The following BIN3 variants were observed in gnomAD, a reference collection of about 807,000 sequenced individuals.
BIN3 encodes bridging integrator 3.
In BIN3, 41 loss-of-function variants were observed where a neutral mutation model predicts 38.2. The observed-to-expected ratio is 1.07, with a 90% CI of 0.84 to 1.39. BIN3 has a LOEUF of 1.39. BIN3 is among the 40% of genes most tolerant of loss of function. The pLI, the probability that BIN3 is intolerant of heterozygous loss-of-function variation, is 0.00. For synonymous variants in BIN3, 145 were observed against 122.6 expected (o/e 1.18, Z -1.21); for missense variants, 361 against 324.3 (o/e 1.11, Z -0.87).
At chr8:22,640,464 C>CAG (rs1215675283) in intron 2 of BIN3, among the ~76,000 whole-genome samples, 1 of 151,974 alleles carries the variant, frequency 6.6e-6, no homozygotes, top group Non-Finnish European at 1.5e-5. Flanking sequence ...GCTGGGATTA[C>CAG]AGGCATGAGC....
chr8:22,665,413 C>T (rs745878324), intron 1 of BIN3, among the ~76,000 whole-genome samples: 1 of 152,158 alleles, frequency 6.6e-6, no homozygotes, highest in Non-Finnish European at 1.5e-5. Flanking sequence ...AGACAGTCCC[C>T]ATACTCAAGA....
intron 1 of BIN3, among the ~76,000 whole-genome samples, chr8:22,660,060 C>T (rs909336914): frequency 4.6e-5 from 7 of 152,286 alleles, no homozygotes; most frequent in Admixed American, 3.9e-4. Flanking sequence ...TGCACCACCA[C>T]CAGGCCCAAG....
chr8:22,643,332 C>G (rs569781141), intron 2 of BIN3, among the ~76,000 whole-genome samples: 6 of 138,248 alleles, frequency 4.3e-5, no homozygotes, highest in Admixed American at 2.9e-4. Context: ...GCCCCACCCC[C>G]CAACTTTTTT....
chr8:22,645,174 A>G (rs1203566866), intron 1 of BIN3, among the ~76,000 whole-genome samples: 1 of 152,052 alleles, frequency 6.6e-6, no homozygotes, highest in Non-Finnish European at 1.5e-5. Context: ...CCAAAAAAAA[A>G]AAAAAAAATC....
At chr8:22,667,910 A>C (rs1803477229) in intron 1 of BIN3, among the ~76,000 whole-genome samples, 1 of 152,216 alleles carries the variant, frequency 6.6e-6, no homozygotes, top group Non-Finnish European at 1.5e-5. Flanking sequence ...CTGATGGCCA[A>C]AATTAAGCTT....
chr8:22,651,107 T>C (rs1473889919), intron 1 of BIN3, among the ~76,000 whole-genome samples: 1 of 152,326 alleles, frequency 6.6e-6, no homozygotes, highest in African/African-American at 2.4e-5. Flanking sequence ...CAACAGAAAC[T>C]ATTTGTTTCC....
At chr8:22,634,665 G>C (rs1802312730) in intron 4 of BIN3, 2 of 401,128 alleles carry the variant, frequency 5.0e-6, no homozygotes, top group Non-Finnish European at 5.0e-6. Context: ...GTGGCCCTTT[G>C]AATGGTGTCA....
At chr8:22,651,355 A>C (rs1444897014) in intron 1 of BIN3, among the ~76,000 whole-genome samples, 1 of 152,166 alleles carries the variant, frequency 6.6e-6, no homozygotes, top group African/African-American at 2.4e-5. Context: ...CCTCGCTCCA[A>C]CCTGGACTGG....
At chr8:22,652,848 C>T (rs957728554) in intron 1 of BIN3, among the ~76,000 whole-genome samples, 3 of 152,132 alleles carry the variant, frequency 2.0e-5, no homozygotes, top group Admixed American at 6.5e-5. Context: ...CATTTTTGGG[C>T]TGCTTAGTGT....
chr8:22,646,483 C>A (rs1371890323), intron 1 of BIN3, among the ~76,000 whole-genome samples: 2 of 152,194 alleles, frequency 1.3e-5, no homozygotes, highest in Non-Finnish European at 2.9e-5. Context: ...GTGTAATTAA[C>A]CACCGATAAT....
intron 1 of BIN3, among the ~76,000 whole-genome samples, chr8:22,649,859 C>CATA (rs1563973928): frequency 7.5e-6 from 1 of 133,592 alleles, no homozygotes; most frequent in Admixed American, 7.2e-5. Flanking sequence ...ACACACACAC[C>CATA]CCCAAAGGAA....
chr8:22,627,815 G>T (rs1318751765), intron 6 of BIN3, among the ~76,000 whole-genome samples: 1 of 152,240 alleles, frequency 6.6e-6, no homozygotes, highest in Non-Finnish European at 1.5e-5. Flanking sequence ...CACCGAGCAT[G>T]CCCCGCTCCA....
intron 1 of BIN3, among the ~76,000 whole-genome samples, chr8:22,649,511 G>C (rs1340191497): frequency 2.0e-5 from 3 of 152,106 alleles, no homozygotes; most frequent in Admixed American, 2.0e-4. Flanking sequence ...GAAAAACCCA[G>C]CCACGATTCC....
chr8:22,634,565 T>TC, intron 4 of BIN3: 1 of 431,950 alleles, frequency 2.3e-6, no homozygotes, highest in South Asian at 1.6e-5. Flanking sequence ...ACTGCCTCTA[T>TC]TGGGACATTT....
At chr8:22,667,087 C>T (rs1051699539) in intron 1 of BIN3, among the ~76,000 whole-genome samples, 1 of 152,136 alleles carries the variant, frequency 6.6e-6, no homozygotes, top group African/African-American at 2.4e-5. Flanking sequence ...CAAGAGATGA[C>T]GTAGAAGCCC....
At chr8:22,649,474 G>GAAATAAAA (rs1802814277) in intron 1 of BIN3, among the ~76,000 whole-genome samples, 1 of 151,894 alleles carries the variant, frequency 6.6e-6, no homozygotes, top group Non-Finnish European at 1.5e-5. Context: ...TGGGGTGGGT[G>GAAATAAAA]GGGGTATAAG....
At chr8:22,629,529 CCA>C (rs2117513618) in intron 6 of BIN3, among the ~76,000 whole-genome samples, 1 of 152,370 alleles carries the variant, frequency 6.6e-6, no homozygotes, top group South Asian at 2.1e-4. Flanking sequence ...GCGGCCACCC[CCA>C]CGTTTCCAGA....
chr8:22,644,953 C>T, intron 1 of BIN3, 150 bp from the exon 2 acceptor site: 3 of 641,336 alleles, frequency 4.7e-6, no homozygotes, highest in Admixed American at 2.4e-5. Flanking sequence ...GGTGGGCATA[C>T]AACCATTGGC....
In BIN3 at chr8:22,625,594, G is replaced by A. The variant is rs1476257610; in HGVS notation, c.339-1231C>T. 4 of 596,152 alleles carry A rather than the reference G, an allele frequency of 6.7e-6. No individual in the cohort carries two copies. In the African/African-American group the frequency reaches 7.4e-5, roughly 11 times the overall value. 36.9% of individuals were successfully genotyped at this position (596,152 alleles called of 1,614,324 possible). On this transcript the variant is annotated intron_variant, in intron 6 of 8. Coordinates refer to ENST00000276416, the MANE Select transcript of BIN3 (RefSeq NM_018688.6). ...TGTGCCTCTCAAAGGACATGACCAGGAATTTGGTTTTGAGACAGAGTCTTG... is the reference window on the plus strand; with the variant it reads ...TGTGCCTCTCAAAGGACATGACCAGAAATTTGGTTTTGAGACAGAGTCTTG...
Sources: allele counts gnomAD v4.1 joint callset (sites outside exome capture counted in the v4.1 genomes callset), GRCh38; gene constraint gnomAD v4.1.1; transcripts MANE v1.5; gene names NCBI Gene and HGNC (gene_info 2026-07-23, HGNC 2026-07-21).